The following USP37 variants were observed in gnomAD, a reference collection of about 807,000 sequenced individuals.
USP37 encodes the protein ubiquitin carboxyl-terminal hydrolase 37.
In USP37, 27 loss-of-function variants were observed where a neutral mutation model predicts 124.0. The observed-to-expected ratio is 0.22, with a 90% CI of 0.16 to 0.30. USP37 has a LOEUF of 0.30. USP37 is among the 10% of genes least tolerant of loss of function. USP37 has a pLI of 1.00. For synonymous variants in USP37, 365 were observed against 388.0 expected (o/e 0.94, Z 0.70); for missense variants, 889 against 1,140.4 (o/e 0.78, Z 3.17).
intron 17 of USP37, among the ~76,000 whole-genome samples, chr2:218,480,242 T>C (rs1461355389): frequency 6.8e-6 from 1 of 146,666 alleles, no homozygotes; most frequent in Non-Finnish European, 1.5e-5. Flanking sequence ...ACTAAAAAAA[T>C]ACAAAAAATC....
intron 1 of USP37, among the ~76,000 whole-genome samples, chr2:218,566,337 A>T (rs1189974387): frequency 6.6e-6 from 1 of 152,218 alleles, no homozygotes; most frequent in Admixed American, 6.5e-5. Context: ...GAGAGGAGGA[A>T]GATGAAGTTA....
chr2:218,561,664 A>C (rs1276610628), intron 2 of USP37, among the ~76,000 whole-genome samples: 1 of 152,016 alleles, frequency 6.6e-6, no homozygotes, highest in Non-Finnish European at 1.5e-5. Context: ...AAAAAAAAAA[A>C]AAAAATTCTA....
At chr2:218,557,590 A>G (rs1693063924) in intron 4 of USP37, among the ~76,000 whole-genome samples, 1 of 111,024 alleles carries the variant, frequency 9.0e-6, no homozygotes, top group South Asian at 3.1e-4. Flanking sequence ...TTTCAATAGA[A>G]TATTTTAGAA....
chr2:218,495,075 T>C (rs957065879), intron 14 of USP37, among the ~76,000 whole-genome samples: 1 of 152,194 alleles, frequency 6.6e-6, no homozygotes, highest in Non-Finnish European at 1.5e-5. Context: ...AATTAAGTGT[T>C]AGGCAATACT....
chr2:218,524,216 T>A (rs1451980809), intron 10 of USP37, among the ~76,000 whole-genome samples: 4 of 152,190 alleles, frequency 2.6e-5, no homozygotes, highest in Admixed American at 2.6e-4. Context: ...AATTTTCTCT[T>A]CTCATATTGC....
At chr2:218,533,258 C>T (rs905068990) in intron 9 of USP37, among the ~76,000 whole-genome samples, 4 of 151,854 alleles carry the variant, frequency 2.6e-5, no homozygotes, top group African/African-American at 9.7e-5. Flanking sequence ...CTGATTTCTT[C>T]AACAGTGCTA....
At chr2:218,459,687 AAAATGAAC>A in intron 23 of USP37, 95 bp downstream of exon 23, 1 of 910,088 alleles carries the variant, frequency 1.1e-6, no homozygotes, top group South Asian at 1.7e-5. Context: ...TGAAAGGGCC[AAAATGAAC>A]CTGCAGTGGA....
chr2:218,528,521 G>A (rs1691107542), intron 10 of USP37: 1 of 330,604 alleles, frequency 3.0e-6, no homozygotes, highest in Non-Finnish European at 5.4e-6. Context: ...AGAATATGTG[G>A]TGTTTGGTTT....
At chr2:218,463,851 A>G (rs1391990779) in intron 21 of USP37, among the ~76,000 whole-genome samples, 1 of 115,756 alleles carries the variant, frequency 8.6e-6, no homozygotes, top group African/African-American at 3.2e-5. Context: ...AGTATTTTTT[A>G]AGATTTTTTT....
rs551887042 is a variant in USP37, at chr2:218,546,940, C to T, written c.581G>A (p.Arg194Lys). ...CTACCGATTTTCTAGCAACCCTGAT[C>T]TAAGAGGTGTTGAAGTAGATGTCAA... ...PSLTSTSTPL[R>K]SGLLENRTEK... Residue 194 changes from arginine to lysine, a missense_variant, in exon 7 of 26, where the codon AGA (arginine) becomes AAA (lysine). This residue lies in a region of USP37 where 374 missense variants were observed against 386.0 expected (regional missense o/e 0.97). Transcript: ENST00000258399. 1.9e-6 allele frequency: 3 copies of T among 1,611,990 alleles called. No homozygotes were observed. The highest frequency in any genetic ancestry group is 2.5e-6 in the Non-Finnish European group (3 of 1,179,498).
At chr2:218,481,152 A>T (rs933370623) in intron 17 of USP37, among the ~76,000 whole-genome samples, 2 of 152,248 alleles carry the variant, frequency 1.3e-5, no homozygotes, top group Admixed American at 1.3e-4. Flanking sequence ...TGTAGAAAAA[A>T]GGGGAACACT....
chr2:218,530,822 T>C (rs935487589), intron 9 of USP37, among the ~76,000 whole-genome samples: 1 of 152,212 alleles, frequency 6.6e-6, no homozygotes, highest in Non-Finnish European at 1.5e-5. Context: ...GAGAAAGTTT[T>C]AGTGGTCTCG....
intron 11 of USP37, among the ~76,000 whole-genome samples, chr2:218,505,284 G>T (rs1689617477): frequency 6.6e-6 from 1 of 152,174 alleles, no homozygotes; most frequent in Non-Finnish European, 1.5e-5. Context: ...CTCCCAAAGT[G>T]CTGGGATTAC....
At chr2:218,562,645 A>G (rs1693368568) in intron 2 of USP37, 28 bp downstream of exon 2, 1 of 398,318 alleles carries the variant, frequency 2.5e-6, no homozygotes, top group Admixed American at 4.4e-5. Flanking sequence ...TCTTTGAAAC[A>G]TATATCCAAA....
chr2:218,483,562 AAATT>A (rs1691375738), intron 16 of USP37, among the ~76,000 whole-genome samples: 1 of 151,826 alleles, frequency 6.6e-6, no homozygotes. Context: ...AGTCTGGAAT[AAATT>A]AACCTTTAAC....
chr2:218,510,280 G>A, intron 10 of USP37, 140 bp from the exon 11 acceptor site: 1 of 882,796 alleles, frequency 1.1e-6, no homozygotes, highest in Non-Finnish European at 1.7e-6. Flanking sequence ...ATCACTTAAG[G>A]GAAAACTCTA....
At chr2:218,505,141 A>G (rs887896364) in intron 11 of USP37, among the ~76,000 whole-genome samples, 3 of 151,222 alleles carry the variant, frequency 2.0e-5, no homozygotes, top group Non-Finnish European at 3.0e-5. Context: ...CAGCCTCCCA[A>G]GCAGATGGAA....
rs73992511 is a variant in USP37, at chr2:218,530,576, C to T, written c.779-536G>A. Among the ~76,000 whole-genome samples the T allele has an allele frequency of 8.3e-3, 1,260 of 152,224 alleles. 19 individuals carry two copies. Among genetic ancestry groups the T allele is most frequent in the African/African-American group, 0.028 (1,175 of 41,528 alleles). On this transcript the variant is annotated intron_variant, in intron 9 of 25. Transcript: ENST00000258399. ...ATATTGAAATTAGGATAATTAATAA[C>T]CCTACAATGACCTCTGTGTTTTTAA...
Position 218,510,109 on chromosome 2 carries a change from T to C in USP37, c.895A>G (p.Lys299Glu). The change falls in exon 11 of 26, where the codon AAA becomes GAA. Residue 299 changes from lysine (K) to glutamate (E), a missense_variant. Lys to Glu is a moderately conservative substitution (Grantham distance 56). This residue lies in a region of USP37 where 374 missense variants were observed against 386.0 expected (regional missense o/e 0.97). Transcript: ENST00000258399. ...TGAGGAAGAAATCCCAAACTTCTTT[T>C]GGCAGAGGGAGTCTGGCTTGAAACA... ...TNVSSQTPSA[K>E]RSLGFLPQPV... 6.2e-7 allele frequency: 1 copy of C among 1,612,128 alleles called. No individual in the cohort carries two copies. Among genetic ancestry groups the C allele is most frequent in the Non-Finnish European group, 8.5e-7 (1 of 1,179,658 alleles).
Sources: allele counts gnomAD v4.1 joint callset (sites outside exome capture counted in the v4.1 genomes callset), GRCh38; gene constraint gnomAD v4.1.1; regional missense constraint gnomAD v4.1.1; transcripts MANE v1.5; gene names NCBI Gene and HGNC (gene_info 2026-07-23, HGNC 2026-07-21).